FSIP1: variants seen among roughly 807,000 people sequenced by gnomAD.
FSIP1 encodes fibrous sheath-interacting protein 1.
A neutral mutation model predicts 60.9 loss-of-function variants in FSIP1; 65 were observed. That is an observed-to-expected ratio of 1.07 (90% CI 0.87 to 1.31). FSIP1 has a LOEUF of 1.31. Ranked by LOEUF, FSIP1 falls within the 40% of genes most tolerant of loss-of-function variation. The pLI, the probability that FSIP1 is intolerant of heterozygous loss-of-function variation, is 0.00. For synonymous variants in FSIP1, 209 were observed against 221.2 expected (o/e 0.94, Z 0.49); for missense variants, 675 against 665.5 (o/e 1.01, Z -0.16).
chr15:39,635,831 AT>A lies in FSIP1; in HGVS notation c.1189-17587del, dbSNP rs77289458. On this transcript the variant is annotated intron_variant, in intron 10 of 11. Transcript: ENST00000350221. ...GGTAAGGTGCTGCTGCTTAAGCTCT[AT>A]TACCCCAGGATCCTAATATCCCTAG... Among the ~76,000 whole-genome samples the A allele has an allele frequency of 3.7e-4, 57 of 152,158 alleles. 1 individual carries two copies. In the East Asian group the frequency reaches 0.011, roughly 29 times the overall value.
intron 2 of FSIP1, among the ~76,000 whole-genome samples, chr15:39,773,441 G>C (rs1053881050): frequency 1.3e-5 from 2 of 152,166 alleles, no homozygotes. Flanking sequence ...TTAACCTGTA[G>C]CTTAGTAGGT....
intron 5 of FSIP1, among the ~76,000 whole-genome samples, chr15:39,756,116 A>C (rs1421399864): frequency 6.6e-6 from 1 of 152,130 alleles, no homozygotes; most frequent in Non-Finnish European, 1.5e-5. Flanking sequence ...ATATGTCTGG[A>C]TTATAAGGTT....
intron 9 of FSIP1, among the ~76,000 whole-genome samples, chr15:39,724,469 G>A (rs1896111743): frequency 7.5e-6 from 1 of 132,478 alleles, no homozygotes; most frequent in Non-Finnish European, 1.7e-5. Context: ...AGCCAAGATG[G>A]TCTCGATCTC....
In FSIP1 at chr15:39,733,471, A is replaced by T. The variant is rs144061278; in HGVS notation, c.891+4620T>A. Among the ~76,000 whole-genome samples, 183 of 152,330 alleles carry T rather than the reference A, an allele frequency of 1.2e-3. No homozygotes were observed. The East Asian group carries it at 0.029, about 24-fold the overall frequency. ...AAAAACGATTAACATTATGAGAAAGATGTTATAAGACCTGGAAGAGAAATC... is the reference window on the plus strand; with the variant it reads ...AAAAACGATTAACATTATGAGAAAGTTGTTATAAGACCTGGAAGAGAAATC... On this transcript the variant is annotated intron_variant, in intron 8 of 11. Coordinates refer to ENST00000350221, the MANE Select transcript of FSIP1 (RefSeq NM_152597.5).
intron 10 of FSIP1, among the ~76,000 whole-genome samples, chr15:39,618,954 G>A (rs79919808): frequency 0.018 from 2,807 of 152,054 alleles, 35 homozygotes; most frequent in South Asian, 0.032. Context: ...AAAAAAAAAT[G>A]TCTACTTCCC....
Position 39,645,560 on chromosome 15 carries a change from G to A in FSIP1, c.1189-27315C>T, listed in dbSNP as rs183855091. On this transcript the variant is annotated intron_variant, in intron 10 of 11. Coordinates refer to ENST00000350221, the MANE Select transcript of FSIP1 (RefSeq NM_152597.5). ...CCCTCCTGGGTGCAGCTGGAGCCACGGCACTGGTGGCTGCAGATCTGGAAC... is the reference window on the plus strand; with the variant it reads ...CCCTCCTGGGTGCAGCTGGAGCCACAGCACTGGTGGCTGCAGATCTGGAAC... 2.8e-3 allele frequency among the ~76,000 whole-genome samples: 430 copies of A among 152,094 alleles called. 3 individuals are homozygous for A. The highest frequency in any genetic ancestry group is 6.8e-3 in the Middle Eastern group (2 of 292).
chr15:39,768,307 G>T (rs1897760847), intron 3 of FSIP1, among the ~76,000 whole-genome samples: 2 of 152,152 alleles, frequency 1.3e-5, no homozygotes, highest in South Asian at 2.1e-4. Context: ...CTAAATCACA[G>T]CTCTCAAACT....
At chr15:39,661,662 T>G (rs1302208997) in intron 10 of FSIP1, among the ~76,000 whole-genome samples, 1 of 152,210 alleles carries the variant, frequency 6.6e-6, no homozygotes, top group Non-Finnish European at 1.5e-5. Flanking sequence ...ACTATGGGTT[T>G]GGTTATAGAT....
At chr15:39,602,544 A>T (rs1890677755) in intron 11 of FSIP1, among the ~76,000 whole-genome samples, 1 of 152,218 alleles carries the variant, frequency 6.6e-6, no homozygotes, top group African/African-American at 2.4e-5. Flanking sequence ...GATGACTTGC[A>T]GTTTCAGAGC....
In FSIP1 at chr15:39,699,450, T is replaced by G. The variant is rs549174108; in HGVS notation, c.1188+13994A>C. Among the ~76,000 whole-genome samples, 27 of 152,376 alleles carry G rather than the reference T, an allele frequency of 1.8e-4. 1 individual carries two copies. The East Asian group carries it at 5.0e-3, about 28-fold the overall frequency. On this transcript the variant is annotated intron_variant, in intron 10 of 11. Transcript: ENST00000350221. ...TATTATGTGGATCATTTCATTTTATTGAACGTCCACTTTTTTGAATAGTTC... is the reference window on the plus strand; with the variant it reads ...TATTATGTGGATCATTTCATTTTATGGAACGTCCACTTTTTTGAATAGTTC...
rs146381868 is a variant in FSIP1, at chr15:39,668,298, C to T, written c.1188+45146G>A. Among the ~76,000 whole-genome samples the T allele has an allele frequency of 3.2e-4, 49 of 151,994 alleles. 1 individual carries two copies. In the East Asian group the frequency reaches 8.9e-3, roughly 28 times the overall value. ...CATTCCATGCTTCTTCCTTCTTCCT[C>T]GCCTTTTTTGTGAAGTCCCCTCCCC... On this transcript the variant is annotated intron_variant, in intron 10 of 11. Coordinates refer to ENST00000350221, the MANE Select transcript of FSIP1 (RefSeq NM_152597.5).
At chr15:39,652,221 C>T (rs191686483) in intron 10 of FSIP1, among the ~76,000 whole-genome samples, 1 of 152,250 alleles carries the variant, frequency 6.6e-6, no homozygotes, top group Admixed American at 6.5e-5. Context: ...TAAATATTAC[C>T]ATTTTAAAAA....
intron 10 of FSIP1, among the ~76,000 whole-genome samples, chr15:39,708,759 T>C (rs1035196054): frequency 1.3e-5 from 2 of 152,196 alleles, no homozygotes; most frequent in African/African-American, 4.8e-5. Flanking sequence ...TCTTAATGTG[T>C]CCCAGAGCAG....
In FSIP1 at chr15:39,713,494, T is replaced by C; in HGVS notation, c.1138A>G (p.Asn380Asp). Residue 380 changes from asparagine to aspartate, a missense_variant, in exon 10 of 12, where the codon AAT becomes GAT. Transcript: ENST00000350221. ...RNTKEQRDLH[N>D]RLREIDEKLK... ...TTTTCATCAATCTCTCTCAGCCGAT[T>C]ATGCAGATCGCGTTGCTCTTTGGTG... 6.2e-7 allele frequency: 1 copy of C among 1,610,704 alleles called. No individual in the cohort carries two copies. Among genetic ancestry groups the C allele is most frequent in the Middle Eastern group, 1.7e-4 (1 of 6,048 alleles).
intron 8 of FSIP1, among the ~76,000 whole-genome samples, chr15:39,733,433 T>C (rs571358053): frequency 6.6e-6 from 1 of 152,302 alleles, no homozygotes; most frequent in South Asian, 2.1e-4. Context: ...GGAGCTCGTA[T>C]GTACAAAATG....
At chr15:39,725,510 G>A (rs1481327522) in intron 9 of FSIP1, among the ~76,000 whole-genome samples, 1 of 152,176 alleles carries the variant, frequency 6.6e-6, no homozygotes, top group Non-Finnish European at 1.5e-5. Flanking sequence ...TCAAGTGACA[G>A]CTTAGAGAAA....
chr15:39,723,663 A>C (rs533107357), intron 9 of FSIP1, among the ~76,000 whole-genome samples: 1 of 152,378 alleles, frequency 6.6e-6, no homozygotes, highest in South Asian at 2.1e-4. Context: ...TATTCCACTC[A>C]AAAGAAATTC....
chr15:39,629,943 C>A (rs1185596132), intron 10 of FSIP1, among the ~76,000 whole-genome samples: 2 of 152,228 alleles, frequency 1.3e-5, no homozygotes, highest in Admixed American at 1.3e-4. Context: ...GGGTATAAAT[C>A]TAGTGCCATA....
intron 5 of FSIP1, among the ~76,000 whole-genome samples, chr15:39,760,260 G>A (rs1300483156): frequency 1.3e-5 from 2 of 152,064 alleles, no homozygotes; most frequent in Non-Finnish European, 2.9e-5. Context: ...AAAAATTATT[G>A]CAGGCAAGAT....
Sources: gnomAD v4.1 joint callset for allele counts (sites outside exome capture counted in the v4.1 genomes callset) on GRCh38, gnomAD v4.1.1 for gene constraint, MANE v1.5 for transcripts, NCBI Gene and HGNC (gene_info 2026-07-23, HGNC 2026-07-21) for gene names.